Variants in HMGCS2 observed in about 807,000 individuals in gnomAD.
HMGCS2 encodes 3-hydroxy-3-methylglutaryl-CoA synthase 2.
HMGCS2 carries 50 observed loss-of-function variants against 57.4 expected under a neutral mutation model. The observed-to-expected ratio is 0.87, with a 90% CI of 0.69 to 1.10. The LOEUF is 1.10. Among genes scored for constraint, HMGCS2 ranks in the 50% least tolerant of loss-of-function variants. The probability of loss-of-function intolerance (pLI) is 0.00; values close to 1 mark genes in which losing one functional copy is unlikely to be tolerated. For missense variants in HMGCS2, 627 were observed against 636.5 expected (o/e 0.99, Z 0.16); for synonymous variants, 254 against 245.1 (o/e 1.04, Z -0.34).
Position 119,756,364 on chromosome 1 carries a change from T to C in HMGCS2, c.1017-767A>G, listed in dbSNP as rs587765709. ...TATTTATTTTATTATTGATAATATC[T>C]TTATATATTAAAGATATTAAGCTAG... On this transcript the variant is annotated intron_variant, in intron 5 of 9. Transcript: ENST00000369406. Among the ~76,000 whole-genome samples the C allele has an allele frequency of 3.3e-5, 5 of 152,304 alleles. No individual in the cohort carries two copies. The South Asian group carries it at 1.0e-3, about 32-fold the overall frequency.
chr1:119,752,547 A>G lies in HMGCS2; in HGVS notation c.1420+2T>C. 3.1e-6 allele frequency: 5 copies of G among 1,613,462 alleles called. No homozygotes were observed. Among genetic ancestry groups the G allele is most frequent in the Non-Finnish European group, 4.2e-6 (5 of 1,179,770 alleles). ...TTCCTCTCTTCCTGACTTTTTTCTT[A>G]CCCTTATGGTAGAATTGCTCTCTTT... On this transcript the variant is annotated splice_donor_variant, in intron 8 of 9. Coordinates refer to ENST00000369406, the MANE Select transcript of HMGCS2 (RefSeq NM_005518.4). LOFTEE classifies it high-confidence loss of function.
At chr1:119,759,398 G>A in intron 3 of HMGCS2, 116 bp from the exon 4 acceptor site, 2 of 999,330 alleles carry the variant, frequency 2.0e-6, no homozygotes, top group Non-Finnish European at 3.1e-6. Flanking sequence ...CCATGCCCAA[G>A]TTCAAGCCCA....
At chr1:119,761,914 A>G (rs1420599500) in intron 2 of HMGCS2, among the ~76,000 whole-genome samples, 1 of 152,246 alleles carries the variant, frequency 6.6e-6, no homozygotes. Flanking sequence ...CAAAGATTAG[A>G]AAGTTTGATA....
rs1557986174 is a variant in HMGCS2 at position 119,748,214 on chromosome 1, T to C, written c.*633A>G. On this transcript the variant is annotated 3_prime_UTR_variant, in exon 10 of 10. Coordinates refer to ENST00000369406, the MANE Select transcript of HMGCS2 (RefSeq NM_005518.4). ...TGTGTTCTACCGTTCTTATTTGCCT[T>C]GTACCTGTCATAGCACTTGGCATGT... The C allele has an allele frequency of 1.3e-5, 2 of 152,234 alleles. No individual in the cohort carries two copies. Among genetic ancestry groups the C allele is most frequent in the South Asian group, 4.1e-4 (2 of 4,832 alleles). 9.4% of individuals were successfully genotyped at this position (152,234 alleles called of 1,614,324 possible).
chr1:119,753,888 C>CT (rs1423180643), intron 6 of HMGCS2, among the ~76,000 whole-genome samples: 5 of 144,704 alleles, frequency 3.5e-5, no homozygotes, highest in African/African-American at 1.0e-4. Flanking sequence ...TTTTTTTTTT[C>CT]TTTTTTTGGC....
Position 119,748,416 on chromosome 1 carries a change from T to C in HMGCS2, c.*431A>G, listed in dbSNP as rs1295814905. The C allele has an allele frequency of 6.6e-6, 1 of 152,204 alleles. No individual in the cohort carries two copies. Among genetic ancestry groups the C allele is most frequent in the Non-Finnish European group, 1.5e-5 (1 of 68,040 alleles). The allele number at this position is 152,204 out of a possible 1,614,324, so 9.4% of individuals were successfully genotyped here. ...CTCTTTTTAATTGCTATATATTAGC[T>C]TAGAACAAGGTACAAAATTTGGAGA... is the stretch of plus-strand genomic sequence containing the variant. On this transcript the variant is annotated 3_prime_UTR_variant, in exon 10 of 10. Coordinates refer to ENST00000369406, the MANE Select transcript of HMGCS2 (RefSeq NM_005518.4).
In HMGCS2 at chr1:119,753,348, G is replaced by A. The variant is rs2101249765; in HGVS notation, c.1226C>T (p.Ala409Val). The change falls in exon 7 of 10, where the codon GCC (alanine) becomes GTC (valine). Residue 409 changes from alanine (A) to valine (V), a missense_variant. Physicochemically the swap from Ala to Val is moderately conservative, Grantham distance 64. Coordinates refer to ENST00000369406, the MANE Select transcript of HMGCS2 (RefSeq NM_005518.4). ...AQELAGSRIGAFSYGSGLAAS... is the reference protein window; with the variant it reads ...AQELAGSRIGVFSYGSGLAAS... ...TGCTAAACCAGAGCCATAAGAGAAG[G>A]CACCAATCCTGGAGCCAGCCAGTTC... The A allele has an allele frequency of 6.2e-7, 1 of 1,612,780 alleles. No homozygotes were observed. The highest frequency in any genetic ancestry group is 8.5e-7 in the Non-Finnish European group (1 of 1,179,560).
In HMGCS2 at chr1:119,750,828, G is replaced by C; in HGVS notation, c.1501C>G (p.Arg501Gly). 6.2e-7 allele frequency: 1 copy of C among 1,613,782 alleles called. No individual in the cohort carries two copies. The highest frequency in any genetic ancestry group is 8.5e-7 in the Non-Finnish European group (1 of 1,179,820). ...YLERVDEQHR[R>G]KYARRPV ...TAGACGGGACGCCGGGCATACTTTCGGCGATGCTGCTCGTCCACTCGCTCC... is the reference window on the plus strand; with the variant it reads ...TAGACGGGACGCCGGGCATACTTTCCGCGATGCTGCTCGTCCACTCGCTCC... Residue 501 changes from arginine (R) to glycine (G), a missense_variant, in exon 9 of 10, where the codon CGA becomes GGA. Physicochemically the swap from Arg to Gly is moderately radical, Grantham distance 125. Coordinates refer to ENST00000369406, the MANE Select transcript of HMGCS2 (RefSeq NM_005518.4).
At chr1:119,752,417 C>A in intron 8 of HMGCS2, 132 bp downstream of exon 8, 1 of 1,038,722 alleles carries the variant, frequency 9.6e-7, no homozygotes, top group South Asian at 1.3e-5. Flanking sequence ...GATCTTCTAG[C>A]AAATCTTCTC....
intron 5 of HMGCS2, among the ~76,000 whole-genome samples, chr1:119,756,296 GA>G (rs1175439659): frequency 1.3e-5 from 2 of 152,074 alleles, no homozygotes; most frequent in Non-Finnish European, 2.9e-5. Flanking sequence ...TCTTCTTTGA[GA>G]AAATTTTCTG....
intron 8 of HMGCS2, among the ~76,000 whole-genome samples, chr1:119,751,232 A>T (rs587641940): frequency 1.3e-5 from 2 of 152,318 alleles, no homozygotes; most frequent in East Asian, 3.9e-4. Context: ...CTACTTTGAG[A>T]CGTAATTCCC....
intron 2 of HMGCS2, among the ~76,000 whole-genome samples, chr1:119,760,673 C>A (rs778273788): frequency 6.6e-6 from 1 of 152,162 alleles, no homozygotes; most frequent in Non-Finnish European, 1.5e-5. Context: ...GTGGTCTTGA[C>A]TATTATGTGT....
At chr1:119,751,868 T>G (rs1195110753) in intron 8 of HMGCS2, among the ~76,000 whole-genome samples, 1 of 152,238 alleles carries the variant, frequency 6.6e-6, no homozygotes, top group Non-Finnish European at 1.5e-5. Flanking sequence ...AAGTTTTGCT[T>G]GAGAATATAT....
At chr1:119,766,172 T>A (rs919612563) in intron 1 of HMGCS2, among the ~76,000 whole-genome samples, 1 of 152,228 alleles carries the variant, frequency 6.6e-6, no homozygotes, top group African/African-American at 2.4e-5. Context: ...AACTTGGTGA[T>A]CTCTGTACTG....
chr1:119,762,880 G>A (rs1254001201), intron 2 of HMGCS2, among the ~76,000 whole-genome samples: 2 of 152,148 alleles, frequency 1.3e-5, no homozygotes, highest in East Asian at 3.8e-4. Context: ...GCATGCTTAA[G>A]GCTGACAATG....
At chr1:119,759,360 A>G in intron 3 of HMGCS2, 78 bp from the exon 4 acceptor site, 3 of 1,441,862 alleles carry the variant, frequency 2.1e-6, no homozygotes. Flanking sequence ...GAACCATATA[A>G]AGGAGGTTTC....
At chr1:119,759,773 AG>A (rs1652974511) in intron 3 of HMGCS2, 90 bp downstream of exon 3, 1 of 1,491,484 alleles carries the variant, frequency 6.7e-7, no homozygotes, top group Non-Finnish European at 9.3e-7. Context: ...CGCATACCTC[AG>A]CCCTGAGTAG....
At chr1:119,750,380 T>C (rs1396608498) in intron 9 of HMGCS2, among the ~76,000 whole-genome samples, 1 of 152,266 alleles carries the variant, frequency 6.6e-6, no homozygotes, top group African/African-American at 2.4e-5. Flanking sequence ...AATGCTAATC[T>C]GTCAAGCTTC....
Position 119,759,111 on chromosome 1 carries a change from C to T in HMGCS2, c.850+7G>A, listed in dbSNP as rs201370381. On this transcript the variant is annotated splice_region_variant and intron_variant, in intron 4 of 9. Coordinates refer to ENST00000369406, the MANE Select transcript of HMGCS2 (RefSeq NM_005518.4). ...AGCCCCCACTTTCTGCCCTCTGAAT[C>T]TCATACCTTGCTTCCACTGATTCTG... The T allele has an allele frequency of 1.1e-5, 18 of 1,614,190 alleles. No individual in the cohort carries two copies. The East Asian group carries it at 4.0e-4, about 36-fold the overall frequency.
Sources: gnomAD v4.1 joint callset for allele counts (sites outside exome capture counted in the v4.1 genomes callset) on GRCh38, gnomAD v4.1.1 for gene constraint, MANE v1.5 for transcripts, NCBI Gene and HGNC (gene_info 2026-07-23, HGNC 2026-07-21) for gene names.